Variants in NAV1 observed in about 807,000 individuals in gnomAD.
NAV1 encodes the protein neuron navigator 1, also known as pore membrane and/or filament interacting like protein 3.
NAV1 carries 18 observed loss-of-function variants against 175.2 expected under a neutral mutation model. The observed-to-expected ratio is 0.10, with a 90% confidence interval of 0.07 to 0.15. NAV1 has a LOEUF of 0.15. Among genes scored for constraint, NAV1 ranks in the 10% least tolerant of loss-of-function variants. NAV1 has a pLI of 1.00. For missense variants in NAV1, 1,731 were observed against 2,436.6 expected, an observed-to-expected ratio of 0.71 and a Z score of 6.10; for synonymous variants, 897 against 978.7, an observed-to-expected ratio of 0.92 and a Z score of 1.56.
chr1:201,700,443 G>A (rs1448253506), intron 1 of NAV1, among the ~76,000 whole-genome samples: 1 of 152,216 alleles, frequency 6.6e-6, no homozygotes, highest in Admixed American at 6.5e-5. Flanking sequence ...AACAACAGGT[G>A]CTGGAGAGGA....
intron 17 of NAV1, among the ~76,000 whole-genome samples, chr1:201,805,178 G>T (rs1678198031): frequency 6.6e-6 from 1 of 152,220 alleles, no homozygotes. Context: ...TGCTAGGTGT[G>T]TTGTGAAGGA....
At chr1:201,644,220 A>G (rs147753113), upstream of NAV1, among the ~76,000 whole-genome samples, 1,157 of 152,276 alleles carry the variant, frequency 7.6e-3, 11 homozygotes, top group Non-Finnish European at 0.01. Context: ...TCAGAGGACA[A>G]TTTGAAGCCT....
At chr1:201,626,461 A>C (rs943109428) in intron 1 of NAV1, among the ~76,000 whole-genome samples, 2 of 152,130 alleles carry the variant, frequency 1.3e-5, no homozygotes, top group African/African-American at 2.4e-5. Context: ...TCTCTTTTCA[A>C]GGGCCTTGGT....
intron 15 of NAV1, chr1:201,797,934 T>C (rs1462382504): frequency 6.6e-6 from 1 of 152,234 alleles, no homozygotes; most frequent in Non-Finnish European, 1.5e-5. Flanking sequence ...TTCCAGACCT[T>C]TACTTCCAAC....
chr1:201,674,390 T>TGG (rs140680568), intron 1 of NAV1, among the ~76,000 whole-genome samples: 7 of 138,600 alleles, frequency 5.1e-5, no homozygotes, highest in African/African-American at 1.5e-4. Context: ...TGAGTGTGTG[T>TGG]TGGGGGGGGT....
At chr1:201,597,092 C>G (rs1291084886) in intron 2 of NAV1, among the ~76,000 whole-genome samples, 1 of 152,148 alleles carries the variant, frequency 6.6e-6, no homozygotes, top group Non-Finnish European at 1.5e-5. Context: ...TCCCAAAGTG[C>G]TGGGATTACA....
At chr1:201,677,701 C>T (rs1470752658) in intron 1 of NAV1, among the ~76,000 whole-genome samples, 1 of 152,168 alleles carries the variant, frequency 6.6e-6, no homozygotes, top group Non-Finnish European at 1.5e-5. Flanking sequence ...GATCTCCGCT[C>T]ACTGCAACCT....
At chr1:201,773,064 T>G (rs1675700568) in intron 3 of NAV1, among the ~76,000 whole-genome samples, 1 of 151,812 alleles carries the variant, frequency 6.6e-6, no homozygotes. Flanking sequence ...AGGAGCTTGA[T>G]GACTGTTTGC....
At chr1:201,634,296 G>T (rs986390539) in intron 2 of NAV1, among the ~76,000 whole-genome samples, 5 of 152,224 alleles carry the variant, frequency 3.3e-5, no homozygotes, top group Non-Finnish European at 7.3e-5. Flanking sequence ...ATTTGTTATT[G>T]AGGCAAGTGA....
chr1:201,800,759 G>A (rs1267177519), intron 15 of NAV1, among the ~76,000 whole-genome samples: 1 of 150,380 alleles, frequency 6.6e-6, no homozygotes, highest in Non-Finnish European at 1.5e-5. Flanking sequence ...AACATATATG[G>A]ATACGTATAT....
intron 2 of NAV1, among the ~76,000 whole-genome samples, chr1:201,608,122 C>A (rs1667741195): frequency 6.6e-6 from 1 of 152,108 alleles, no homozygotes; most frequent in Non-Finnish European, 1.5e-5. Context: ...TAAACATTCT[C>A]CACACATTAT....
chr1:201,609,552 G>A (rs938828229), intron 2 of NAV1, among the ~76,000 whole-genome samples: 1 of 152,224 alleles, frequency 6.6e-6, no homozygotes. Context: ...CTGCCTGGCT[G>A]GAAAACCCAT....
intron 3 of NAV1, among the ~76,000 whole-genome samples, chr1:201,749,218 C>T (rs113510671): frequency 0.013 from 1,928 of 152,266 alleles, 57 homozygotes; most frequent in African/African-American, 0.042. Flanking sequence ...AGTTAAATAA[C>T]GCTGGCCATG....
chr1:201,706,656 C>T (rs907098013), intron 1 of NAV1, among the ~76,000 whole-genome samples: 1 of 152,178 alleles, frequency 6.6e-6, no homozygotes, highest in Admixed American at 6.5e-5. Flanking sequence ...ACTTCCGTTC[C>T]TTCTGTTGGT....
intron 3 of NAV1, among the ~76,000 whole-genome samples, chr1:201,737,051 T>A (rs1207123195): frequency 1.3e-5 from 2 of 151,946 alleles, no homozygotes; most frequent in Admixed American, 6.6e-5. Context: ...CACACCCTCA[T>A]GACAGGCAAG....
intron 1 of NAV1, among the ~76,000 whole-genome samples, chr1:201,540,899 G>C (rs560130653): frequency 6.6e-6 from 1 of 152,290 alleles, no homozygotes; most frequent in Admixed American, 6.5e-5. Context: ...GGAAAAAATC[G>C]CTACGGTTGG....
chr1:201,701,545 A>T (rs1455338682), intron 1 of NAV1, among the ~76,000 whole-genome samples: 8 of 152,218 alleles, frequency 5.3e-5, no homozygotes, highest in Admixed American at 5.2e-4. Flanking sequence ...TGGTGTAATG[A>T]TGTGGCTATT....
intron 1 of NAV1, among the ~76,000 whole-genome samples, chr1:201,669,764 G>A (rs1669963939): frequency 6.6e-6 from 1 of 152,116 alleles, no homozygotes; most frequent in Non-Finnish European, 1.5e-5. Context: ...GAGGGTTGGA[G>A]GGGCAGTAAA....
chr1:201,596,700 A>T (rs764382200), intron 2 of NAV1, among the ~76,000 whole-genome samples: 5 of 152,172 alleles, frequency 3.3e-5, no homozygotes, highest in South Asian at 2.1e-4. Context: ...GGACTGCACT[A>T]GGTGTGGGAG....
Sources: gnomAD v4.1 joint callset for allele counts (sites outside exome capture counted in the v4.1 genomes callset) on GRCh38, gnomAD v4.1.1 for gene constraint, MANE v1.5 for transcripts, NCBI Gene and HGNC (gene_info 2026-07-23, HGNC 2026-07-21) for gene names.